Variants in FHL2 observed in about 807,000 individuals in gnomAD.
FHL2 encodes the protein four and a half LIM domains protein 2.
FHL2 carries 20 observed loss-of-function variants against 32.7 expected under a neutral mutation model. That is an observed-to-expected ratio of 0.61 (90% CI 0.43 to 0.89). The LOEUF (loss-of-function observed/expected upper bound fraction) is 0.89, where lower values mean the gene tolerates loss of function less well. Ranked by LOEUF, FHL2 falls within the 40% of genes least tolerant of loss-of-function variation. The pLI, the probability that FHL2 is intolerant of heterozygous loss-of-function variation, is 0.00. For missense variants in FHL2, 311 were observed against 358.6 expected (o/e 0.87, Z 1.07); for synonymous variants, 123 against 128.1 (o/e 0.96, Z 0.27).
intron 1 of FHL2, among the ~76,000 whole-genome samples, chr2:105,411,540 T>A (rs1683789752): frequency 1.1e-4 from 3 of 28,380 alleles, no homozygotes; most frequent in Admixed American, 1.2e-3. Flanking sequence ...AACTTAGGGT[T>A]TTTTTTTTTT....
intron 1 of FHL2, among the ~76,000 whole-genome samples, chr2:105,431,397 G>A (rs1258435769): frequency 6.6e-6 from 1 of 152,228 alleles, no homozygotes; most frequent in Admixed American, 6.5e-5. Context: ...AGATTGATAA[G>A]GAGTGTCATT....
Position 105,398,895 on chromosome 2 carries a change from C to A in FHL2, c.-129G>T. 1.3e-6 allele frequency: 2 copies of A among 1,528,580 alleles called. No homozygotes were observed. The highest frequency in any genetic ancestry group is 8.8e-7 in the Non-Finnish European group (1 of 1,140,872). The allele number at this position is 1,528,580 out of a possible 1,614,324, so 94.7% of individuals were successfully genotyped here. ...CTCTCCTTGGGTCTCGCACCGGATT[C>A]GGCCCCCACTTCCGAGCCCTGGTGG... On this transcript the variant is annotated 5_prime_UTR_variant, in exon 1 of 7. Transcript: ENST00000530340.
upstream of FHL2, among the ~76,000 whole-genome samples, chr2:105,403,334 A>C (rs1233860879): frequency 6.6e-6 from 1 of 152,228 alleles, no homozygotes; most frequent in Non-Finnish European, 1.5e-5. Flanking sequence ...AGAAAATAAA[A>C]ACAAAAAGTA....
intron 2 of FHL2, among the ~76,000 whole-genome samples, chr2:105,395,548 C>T (rs1183328832): frequency 6.6e-6 from 1 of 152,178 alleles, no homozygotes; most frequent in Non-Finnish European, 1.5e-5. Context: ...CACTGCAGTC[C>T]TGCCACTCTG....
rs1167463925 is a variant in FHL2, at chr2:105,363,973, C to G, written c.502-502G>C. Among the ~76,000 whole-genome samples the G allele has an allele frequency of 2.0e-5, 3 of 152,130 alleles. No homozygotes were observed. In the East Asian group the frequency reaches 5.8e-4, roughly 29 times the overall value. On this transcript the variant is annotated intron_variant, in intron 5 of 6. Coordinates refer to ENST00000530340, the MANE Select transcript of FHL2 (RefSeq NM_001318895.3). ...TTGATGAGGAGTCCTTACTTAGAAG[C>G]CTGGCAGGGCTGGTGGCTCACACCT...
intron 1 of FHL2, among the ~76,000 whole-genome samples, chr2:105,413,621 T>G (rs928667220): frequency 6.6e-6 from 1 of 152,038 alleles, no homozygotes; most frequent in Admixed American, 6.6e-5. Context: ...CCACAGGTGC[T>G]CCACCACACC....
At chr2:105,386,338 C>A (rs1422750142) in intron 3 of FHL2, 23 bp downstream of exon 3, 4 of 1,610,228 alleles carry the variant, frequency 2.5e-6, no homozygotes, top group African/African-American at 2.7e-5. Context: ...CGCCGGGGAC[C>A]CGCAGAGGCC....
At chr2:105,380,786 GAA>G (rs927641659) in intron 3 of FHL2, among the ~76,000 whole-genome samples, 1 of 150,546 alleles carries the variant, frequency 6.6e-6, no homozygotes, top group Non-Finnish European at 1.5e-5. Flanking sequence ...CAAAAAGAAA[GAA>G]AAAAAAAGTC....
In FHL2 at chr2:105,386,688, G is replaced by A. The variant is rs745420510; in HGVS notation, c.-24-148C>T. ...AATAATTAAAACTCACCCTTTAATC[G>A]GTCATAATTTTTAATGATAACACCT... On this transcript the variant is annotated intron_variant, in intron 2 of 6. Transcript: ENST00000530340. 1.1e-4 allele frequency: 68 copies of A among 635,378 alleles called. 1 individual carries two copies. Among genetic ancestry groups the A allele is most frequent in the Non-Finnish European group, 1.4e-4 (56 of 387,242 alleles). The allele number at this position is 635,378 out of a possible 1,614,324, so 39.4% of individuals were successfully genotyped here.
chr2:105,422,474 TA>T (rs1684133223), intron 1 of FHL2, among the ~76,000 whole-genome samples: 4 of 152,172 alleles, frequency 2.6e-5, no homozygotes, highest in Non-Finnish European at 5.9e-5. Flanking sequence ...TTTTTTTATT[TA>T]TAGTTTCCTC....
In FHL2 at chr2:105,373,644, G is replaced by A. The variant is rs1681253489; in HGVS notation, c.246C>T (p.Ala82=). 6.2e-7 allele frequency: 1 copy of A among 1,614,082 alleles called. No individual in the cohort carries two copies. ...CTGTACAGAGCAGCTGGTCCTCCTT[G>A]GCAGCAAAGGGCTTGTCCACCAGTG... ...RNSLVDKPFA[A]KEDQLLCTDC... Residue 82 remains alanine (A), a synonymous_variant, in exon 4 of 7, where the codon GCC becomes GCT. Transcript: ENST00000530340.
At chr2:105,373,536 A>G (rs778080582) in intron 4 of FHL2, 23 bp downstream of exon 4, 20 of 1,613,928 alleles carry the variant, frequency 1.2e-5, no homozygotes, top group Non-Finnish European at 1.6e-5. Flanking sequence ...TGGCTCACGC[A>G]TGAGAAAGGA....
intron 5 of FHL2, among the ~76,000 whole-genome samples, chr2:105,366,394 C>T (rs564011462): frequency 1.4e-3 from 209 of 152,336 alleles, no homozygotes; most frequent in Non-Finnish European, 2.4e-3. Flanking sequence ...AAGGGCAAAA[C>T]AGCAGAAGCT....
Position 105,374,333 on chromosome 2 carries a change from G to A in FHL2, c.157-600C>T, listed in dbSNP as rs571032567. 11 of 145,510 alleles carry A rather than the reference G, an allele frequency of 7.6e-5. No homozygotes were observed. The South Asian group carries it at 1.8e-3, about 24-fold the overall frequency. 9.0% of individuals were successfully genotyped at this position (145,510 alleles called of 1,614,324 possible). A position where few individuals can be genotyped will look rare whatever the true frequency, so the allele number is the denominator to read the frequency against. ...GCACAGACACAGAAGATCTGGGGAC[G>A]GGGGGCATGTCAGATTGGAGGGACC... On this transcript the variant is annotated intron_variant, in intron 3 of 6. Transcript: ENST00000530340.
intron 1 of FHL2, among the ~76,000 whole-genome samples, chr2:105,398,603 C>A (rs1223397044): frequency 6.6e-6 from 1 of 152,196 alleles, no homozygotes; most frequent in East Asian, 1.9e-4. Flanking sequence ...GGGCTGCAGT[C>A]CTCCCTCTGG....
chr2:105,366,565 T>C (rs895608760), intron 5 of FHL2, among the ~76,000 whole-genome samples: 10 of 152,078 alleles, frequency 6.6e-5, no homozygotes, highest in Middle Eastern at 3.2e-3. Context: ...ATAATAAGAA[T>C]TGCGTGTGTC....
intron 1 of FHL2, among the ~76,000 whole-genome samples, chr2:105,430,856 C>G (rs114824552): frequency 7.9e-5 from 12 of 152,298 alleles, no homozygotes; most frequent in African/African-American, 2.9e-4. Flanking sequence ...AGCAGACAGG[C>G]CTTGCTGGGG....
intron 1 of FHL2, among the ~76,000 whole-genome samples, chr2:105,422,763 A>G (rs936599259): frequency 1.3e-5 from 2 of 151,412 alleles, no homozygotes; most frequent in Non-Finnish European, 2.9e-5. Context: ...TGTTTATTTT[A>G]TCAATTGATT....
intron 2 of FHL2, among the ~76,000 whole-genome samples, chr2:105,388,278 G>GGTCTCCA (rs939216865): frequency 2.0e-5 from 3 of 151,998 alleles, no homozygotes; most frequent in African/African-American, 4.8e-5. Flanking sequence ...TAAAATAAGG[G>GGTCTCCA]GTCTCCATGC....
Sources: allele counts gnomAD v4.1 joint callset (sites outside exome capture counted in the v4.1 genomes callset), GRCh38; gene constraint gnomAD v4.1.1; transcripts MANE v1.5; gene names NCBI Gene and HGNC (gene_info 2026-07-23, HGNC 2026-07-21).